The following SRFBP1 variants were observed in gnomAD, a reference collection of about 807,000 sequenced individuals.
SRFBP1 encodes the protein serum response factor binding protein 1.
SRFBP1 carries 47 observed loss-of-function variants against 45.5 expected under a neutral mutation model. The observed-to-expected ratio is 1.03, with a 90% CI of 0.82 to 1.32. The LOEUF (loss-of-function observed/expected upper bound fraction) is 1.32, where lower values mean the gene tolerates loss of function less well. Ranked by LOEUF, SRFBP1 falls within the 40% of genes most tolerant of loss-of-function variation. SRFBP1 has a pLI of 0.00. For synonymous variants in SRFBP1, 203 were observed against 166.3 expected (o/e 1.22, Z -1.70); for missense variants, 621 against 484.6 (o/e 1.28, Z -2.64).
chr5:122,030,159 C>G (rs182419074), downstream of SRFBP1, among the ~76,000 whole-genome samples: 258 of 152,302 alleles, frequency 1.7e-3, 1 homozygote, highest in African/African-American at 5.2e-3. Context: ...AAATGTTTCT[C>G]TCTGTGAAAG....
chr5:122,047,785 A>G (rs1200823801), intron 2 of SRFBP1, among the ~76,000 whole-genome samples: 1 of 152,072 alleles, frequency 6.6e-6, no homozygotes, highest in East Asian at 1.9e-4. Context: ...TTGGATTCCT[A>G]GGTATTTTAT....
chr5:122,008,226 C>A (rs1753017485), intron 4 of SRFBP1, among the ~76,000 whole-genome samples: 1 of 152,068 alleles, frequency 6.6e-6, no homozygotes. Flanking sequence ...GAGGGCGGTT[C>A]AGAACCTGGG....
At chr5:121,968,285 A>T (rs1383864675) in intron 1 of SRFBP1, among the ~76,000 whole-genome samples, 1 of 151,412 alleles carries the variant, frequency 6.6e-6, no homozygotes, top group African/African-American at 2.4e-5. Flanking sequence ...CAGGTAACGG[A>T]TACAGCAGAA....
Position 122,052,957 on chromosome 5 carries a change from G to A in SRFBP1, n.312-22358G>A, listed in dbSNP as rs562326020. Among the ~76,000 whole-genome samples, 8 of 151,918 alleles carry A rather than the reference G, an allele frequency of 5.3e-5. No individual in the cohort carries two copies. The East Asian group carries it at 1.6e-3, about 30-fold the overall frequency. On this transcript the variant is annotated intron_variant and non_coding_transcript_variant, in intron 2 of 2. Coordinates refer to the SRFBP1 transcript ENST00000504881. ...TTGATTCCCTTGGGGATTTGATTGT[G>A]GTATAAGGTGGGTTTGGCTGGCTTG...
intron 3 of SRFBP1, among the ~76,000 whole-genome samples, chr5:121,979,275 A>G (rs1321702750): frequency 1.3e-5 from 2 of 152,144 alleles, no homozygotes; most frequent in Non-Finnish European, 2.9e-5. Flanking sequence ...GAGGTTTATC[A>G]TTGTATGTAT....
rs1349966777 is a variant in SRFBP1 at position 122,020,627 on chromosome 5, A to G, written c.892A>G (p.Ser298Gly). 1.9e-6 allele frequency: 3 copies of G among 1,613,846 alleles called. No individual in the cohort carries two copies. Among genetic ancestry groups the G allele is most frequent in the Admixed American group, 1.7e-5 (1 of 59,974 alleles). ...AGTCAGACGGACACGAAAGAAGGAA[A>G]GTAGTTGTCATTCTTCAGTTAAGGA... ...GKVRRTRKKESSCHSSVKEQK... is the reference protein window; with the variant it reads ...GKVRRTRKKEGSCHSSVKEQK... Residue 298 changes from serine to glycine, a missense_variant, in exon 6 of 8, where the codon AGT becomes GGT. Coordinates refer to ENST00000339397, the MANE Select transcript of SRFBP1 (RefSeq NM_152546.3).
At chr5:121,974,121 A>G in intron 1 of SRFBP1, 75 bp from the exon 2 acceptor site, 2 of 1,007,928 alleles carry the variant, frequency 2.0e-6, no homozygotes, top group South Asian at 2.8e-5. Flanking sequence ...AGTCTCAAAT[A>G]TTAAGACTCA....
At chr5:122,069,113 G>T (rs986242782) in intron 2 of SRFBP1, among the ~76,000 whole-genome samples, 1 of 152,074 alleles carries the variant, frequency 6.6e-6, no homozygotes, top group Non-Finnish European at 1.5e-5. Context: ...CACTTGTAAA[G>T]CACAGTCTCT....
intron 2 of SRFBP1, among the ~76,000 whole-genome samples, chr5:122,067,290 T>C (rs192988809): frequency 6.6e-6 from 1 of 150,682 alleles, no homozygotes; most frequent in African/African-American, 2.4e-5. Context: ...TTCCAAACAG[T>C]AAATTCTGTG....
intron 4 of SRFBP1, among the ~76,000 whole-genome samples, chr5:122,000,064 A>G (rs868139279): frequency 6.6e-6 from 1 of 151,838 alleles, no homozygotes; most frequent in East Asian, 1.9e-4. Context: ...TATCTCTTCT[A>G]TTGACCTATT....
At chr5:122,010,723 A>G (rs1427567862) in intron 4 of SRFBP1, among the ~76,000 whole-genome samples, 1 of 132,148 alleles carries the variant, frequency 7.6e-6, no homozygotes, top group Non-Finnish European at 1.6e-5. Context: ...TTCCCATAAA[A>G]TTTTAATTTT....
At chr5:122,004,456 G>T (rs2112688388) in intron 4 of SRFBP1, among the ~76,000 whole-genome samples, 1 of 152,106 alleles carries the variant, frequency 6.6e-6, no homozygotes, top group East Asian at 1.9e-4. Flanking sequence ...TTTATTTCAG[G>T]TGTCTCTATT....
rs765588502 is a variant in SRFBP1, at chr5:122,022,405, T to G, written c.1103T>G (p.Leu368Arg). The G allele has an allele frequency of 3.7e-6, 6 of 1,610,798 alleles. No individual in the cohort carries two copies. In the Admixed American group the frequency reaches 1.0e-4, roughly 27 times the overall value. Residue 368 changes from leucine to arginine, a missense_variant and splice_region_variant, in exon 7 of 8, where the codon CTA becomes CGA. Leu to Arg is a moderately radical substitution (Grantham distance 102, BLOSUM62 -2). Transcript: ENST00000339397. ...FKEQAPKTRS[L>R]DFPQNEPQIK... ...GAACAGGCTCCAAAAACAAGATCCC[T>G]AGGTATGTATTCATAGTTGCCTGAC...
At chr5:121,989,736 C>T (rs1050257242) in intron 3 of SRFBP1, among the ~76,000 whole-genome samples, 1 of 152,166 alleles carries the variant, frequency 6.6e-6, no homozygotes, top group African/African-American at 2.4e-5. Context: ...CAGCCATTCA[C>T]AATTATAAAT....
chr5:121,995,471 A>G (rs1250883305), intron 4 of SRFBP1, among the ~76,000 whole-genome samples: 2 of 152,168 alleles, frequency 1.3e-5, no homozygotes, highest in Non-Finnish European at 2.9e-5. Flanking sequence ...ACCAACGAGA[A>G]CAAAGACACA....
intron 4 of SRFBP1, 75 bp downstream of exon 4, chr5:121,994,745 A>C (rs1561584210): frequency 3.1e-6 from 3 of 976,222 alleles, no homozygotes; most frequent in Non-Finnish European, 4.5e-6. Flanking sequence ...CTTGAAGAGA[A>C]AACTTACCAA....
At chr5:122,033,922 C>G (rs1753633615) in intron 2 of SRFBP1, among the ~76,000 whole-genome samples, 1 of 144,906 alleles carries the variant, frequency 6.9e-6, no homozygotes, top group African/African-American at 2.6e-5. Flanking sequence ...CTCCTGGGTT[C>G]CAGCAGTTCT....
chr5:121,980,399 C>T (rs1752384699), intron 3 of SRFBP1, among the ~76,000 whole-genome samples: 1 of 152,162 alleles, frequency 6.6e-6, no homozygotes, highest in African/African-American at 2.4e-5. Flanking sequence ...ACTAAGTAAT[C>T]TGTGAAATGA....
At chr5:122,032,584 C>T (rs1753608837), downstream of SRFBP1, among the ~76,000 whole-genome samples, 1 of 152,164 alleles carries the variant, frequency 6.6e-6, no homozygotes, top group African/African-American at 2.4e-5. Context: ...GCAATCACTG[C>T]AGATTTGTTC....
Sources: gnomAD v4.1 joint callset for allele counts (sites outside exome capture counted in the v4.1 genomes callset) on GRCh38, gnomAD v4.1.1 for gene constraint, MANE v1.5 for transcripts, NCBI Gene and HGNC (gene_info 2026-07-23, HGNC 2026-07-21) for gene names.